Variants in THEMIS observed in about 807,000 individuals in gnomAD.
The protein encoded by THEMIS is protein THEMIS.
THEMIS carries 37 observed loss-of-function variants against 52.6 expected under a neutral mutation model. The observed-to-expected ratio is 0.70, with a 90% CI of 0.54 to 0.93. The LOEUF (loss-of-function observed/expected upper bound fraction) is 0.93. THEMIS is among the 40% of genes least tolerant of loss of function. THEMIS has a pLI of 0.00. For missense variants in THEMIS, 808 were observed against 763.1 expected, an observed-to-expected ratio of 1.06 and a Z score of -0.69; for synonymous variants, 292 against 272.7, an observed-to-expected ratio of 1.07 and a Z score of -0.70.
At chr6:127,866,951 T>TTATTTATA (rs1392704815) in intron 1 of THEMIS, among the ~76,000 whole-genome samples, 3 of 149,156 alleles carry the variant, frequency 2.0e-5, no homozygotes, top group Non-Finnish European at 4.5e-5. Context: ...TATTTTTATT[T>TTATTTATA]TATTTATTTA....
At chr6:127,767,901 G>A (rs571954867) in intron 4 of THEMIS, among the ~76,000 whole-genome samples, 1 of 152,210 alleles carries the variant, frequency 6.6e-6, no homozygotes, top group East Asian at 1.9e-4. Context: ...GGTGAAACAA[G>A]TTTTTCAGCT....
chr6:127,912,012 T>TA (rs1440657935), intron 1 of THEMIS, among the ~76,000 whole-genome samples: 2 of 152,150 alleles, frequency 1.3e-5, no homozygotes, highest in African/African-American at 4.8e-5. Context: ...CACCTTGGGT[T>TA]ATGGGTTTGC....
At chr6:127,743,944 T>A (rs1053034531) in intron 4 of THEMIS, among the ~76,000 whole-genome samples, 7 of 152,050 alleles carry the variant, frequency 4.6e-5, no homozygotes, top group Admixed American at 2.0e-4. Context: ...GTTTTTTGTC[T>A]AGGAAAAGTA....
Position 127,709,307 on chromosome 6 carries a change from GA to G in THEMIS, c.*677del, listed in dbSNP as rs1483223980. 1 of 152,008 alleles carries G rather than the reference GA, an allele frequency of 6.6e-6. No homozygotes were observed. Among genetic ancestry groups the G allele is most frequent in the Non-Finnish European group, 1.5e-5 (1 of 67,972 alleles). 9.4% of individuals were successfully genotyped at this position (152,008 alleles called of 1,614,324 possible). ...CATAGAATATTAAGACATCGTCTCA[GA>G]AATCTGGTGAAATTTCAGTCATGAG... On this transcript the variant is annotated 3_prime_UTR_variant, in exon 6 of 6. Coordinates refer to ENST00000368248, the MANE Select transcript of THEMIS (RefSeq NM_001010923.3).
chr6:127,812,531 T>C (rs1469284199), intron 4 of THEMIS, among the ~76,000 whole-genome samples: 1 of 152,114 alleles, frequency 6.6e-6, no homozygotes, highest in Non-Finnish European at 1.5e-5. Flanking sequence ...TAAATTTTAC[T>C]TAGAAAAAAA....
intron 1 of THEMIS, among the ~76,000 whole-genome samples, chr6:127,867,100 A>G (rs1306468648): frequency 1.3e-5 from 2 of 152,052 alleles, no homozygotes; most frequent in African/African-American, 2.4e-5. Flanking sequence ...GGAAAATCCT[A>G]AAGAATTCTT....
At chr6:127,890,186 T>A (rs2114466720) in intron 1 of THEMIS, among the ~76,000 whole-genome samples, 1 of 152,122 alleles carries the variant, frequency 6.6e-6, no homozygotes, top group East Asian at 1.9e-4. Context: ...ATAGCTGTCA[T>A]TCAAAACAAG....
intron 1 of THEMIS, among the ~76,000 whole-genome samples, chr6:127,872,291 G>A (rs1368808351): frequency 2.0e-5 from 3 of 152,106 alleles, no homozygotes; most frequent in South Asian, 2.1e-4. Context: ...AAACTCTTAC[G>A]CTGGGAGTGG....
intron 4 of THEMIS, among the ~76,000 whole-genome samples, chr6:127,764,425 C>T (rs1317248842): frequency 2.0e-5 from 3 of 151,808 alleles, no homozygotes; most frequent in Non-Finnish European, 2.9e-5. Flanking sequence ...TGCATGTCTG[C>T]AGCAGACTCC....
At chr6:127,881,341 T>G (rs1023843516) in intron 1 of THEMIS, among the ~76,000 whole-genome samples, 1 of 152,050 alleles carries the variant, frequency 6.6e-6, no homozygotes, top group Non-Finnish European at 1.5e-5. Context: ...TCACAGAATT[T>G]GAAAATCTAG....
At position 127,829,788 on chromosome 6, in the gene THEMIS, C is replaced by G; in HGVS notation, c.397G>C (p.Gly133Arg). The change falls in exon 3 of 6, where the codon GGT becomes CGT. Residue 133 changes from glycine (G) to arginine (R), a missense_variant. Physicochemically the swap from Gly to Arg is moderately radical, Grantham distance 125. Transcript: ENST00000368248. ...ACTGAGTTGAGCATGATTTGCTCAC[C>G]CTGCTTTATGATGAGGTTCTCTAGT... The part of the protein sequence containing the change: ...IKLENLIIKQ[G>R]EQIMLNSVEE... 1 of 1,614,024 alleles carries G rather than the reference C, an allele frequency of 6.2e-7. No individual in the cohort carries two copies.
intron 4 of THEMIS, 129 bp from the exon 5 acceptor site, chr6:127,719,952 C>G: frequency 8.3e-7 from 1 of 1,203,604 alleles, no homozygotes; most frequent in South Asian, 1.5e-5. Context: ...TCAAAGCAAG[C>G]TACAAATTAT....
chr6:127,900,928 G>A lies in THEMIS; in HGVS notation c.5C>T (p.Ala2Val). 1 of 1,612,708 alleles carries A rather than the reference G, an allele frequency of 6.2e-7. No individual in the cohort carries two copies. Among genetic ancestry groups the A allele is most frequent in the Non-Finnish European group, 8.5e-7 (1 of 1,179,046 alleles). MALSLEEFVHSL... is the reference protein window; with the variant it reads MVLSLEEFVHSL... Reference sequence around the variant, plus strand: ...GTGGACGAATTCTTCCAGTGATAATGCCATTGCTATGCCTTGGGTAGTTTG... The same window carrying A: ...GTGGACGAATTCTTCCAGTGATAATACCATTGCTATGCCTTGGGTAGTTTG... Residue 2 changes from alanine to valine, a missense_variant, in exon 1 of 6, where the codon GCA becomes GTA. Ala to Val is a moderately conservative substitution (Grantham distance 64). Transcript: ENST00000368248.
intron 2 of THEMIS, among the ~76,000 whole-genome samples, chr6:127,841,211 G>T (rs1779037817): frequency 6.6e-6 from 1 of 151,938 alleles, no homozygotes; most frequent in Non-Finnish European, 1.5e-5. Flanking sequence ...TGGGGGTCAG[G>T]AAGTATAGGG....
intron 1 of THEMIS, among the ~76,000 whole-genome samples, chr6:127,871,823 AG>A (rs1217825232): frequency 2.0e-5 from 3 of 152,146 alleles, no homozygotes; most frequent in Non-Finnish European, 2.9e-5. Flanking sequence ...CTCCCAAAAA[AG>A]AAATCTCCAG....
intron 4 of THEMIS, among the ~76,000 whole-genome samples, chr6:127,804,308 T>C (rs1777630563): frequency 6.6e-6 from 1 of 152,162 alleles, no homozygotes; most frequent in Admixed American, 6.5e-5. Context: ...GTACCTAGTA[T>C]TCAAATAATA....
At chr6:127,865,585 GCTTATACTGC>G (rs1779948649) in intron 1 of THEMIS, among the ~76,000 whole-genome samples, 1 of 152,056 alleles carries the variant, frequency 6.6e-6, no homozygotes, top group Admixed American at 6.6e-5. Context: ...GAGGTATACA[GCTTATACTGC>G]CTTGTAGAAA....
chr6:127,917,588 C>T lies in THEMIS; in HGVS notation c.-150+840G>A, dbSNP rs545143119. On this transcript the variant is annotated intron_variant, in intron 1 of 6. Transcript: ENST00000368250. ...GTACTTTTAATCTATCTGCCCAGCT[C>T]CTAGTCATGAGAATTCTCCTTCTCT... Among the ~76,000 whole-genome samples the T allele has an allele frequency of 1.1e-4, 17 of 152,302 alleles. No homozygotes were observed. The East Asian group carries it at 1.5e-3, about 14-fold the overall frequency.
At chr6:127,722,023 G>T (rs901163136) in intron 4 of THEMIS, among the ~76,000 whole-genome samples, 8 of 152,024 alleles carry the variant, frequency 5.3e-5, no homozygotes. Flanking sequence ...GTGAAAACCT[G>T]AGAGAGAAAA....
Sources: gnomAD v4.1 joint callset for allele counts (sites outside exome capture counted in the v4.1 genomes callset) on GRCh38, gnomAD v4.1.1 for gene constraint, MANE v1.5 for transcripts, NCBI Gene and HGNC (gene_info 2026-07-23, HGNC 2026-07-21) for gene names.